The following WDR43 variants were observed in gnomAD, a reference collection of about 807,000 sequenced individuals.
The protein encoded by WDR43 is WD repeat domain 43.
In WDR43, 13 loss-of-function variants were observed where a neutral mutation model predicts 91.4. That is an observed-to-expected ratio of 0.14 (90% CI 0.09 to 0.23). The LOEUF is 0.23. Ranked by LOEUF, WDR43 falls within the 10% of genes least tolerant of loss-of-function variation. The pLI is 1.00. For missense variants in WDR43, 780 were observed against 809.4 expected (o/e 0.96, Z 0.44); for synonymous variants, 331 against 287.9 (o/e 1.15, Z -1.51).
At chr2:28,907,345 A>G (rs921503357) in intron 3 of WDR43, among the ~76,000 whole-genome samples, 16 of 152,008 alleles carry the variant, frequency 1.1e-4, no homozygotes, top group Admixed American at 5.9e-4. Flanking sequence ...GCCATTGGCC[A>G]AGTGCAGTGG....
chr2:28,911,412 G>A (rs918501200), intron 3 of WDR43, among the ~76,000 whole-genome samples: 4 of 151,642 alleles, frequency 2.6e-5, no homozygotes, highest in African/African-American at 7.3e-5. Context: ...TCCTGCCTCA[G>A]CCTCCTGAGT....
chr2:28,927,782 C>T, intron 10 of WDR43, 82 bp downstream of exon 10: 1 of 1,554,772 alleles, frequency 6.4e-7, no homozygotes, highest in Non-Finnish European at 8.8e-7. Context: ...TGGATAGAGC[C>T]AAAGTTAAAT....
intron 11 of WDR43, among the ~76,000 whole-genome samples, chr2:28,933,893 A>G (rs974927672): frequency 4.6e-5 from 7 of 152,206 alleles, no homozygotes; most frequent in Admixed American, 2.0e-4. Context: ...ACTGGTGGGA[A>G]TGTAAATGGT....
intron 10 of WDR43, among the ~76,000 whole-genome samples, chr2:28,928,894 C>T (rs962374131): frequency 1.3e-5 from 2 of 152,060 alleles, no homozygotes; most frequent in African/African-American, 2.4e-5. Context: ...AGGCTGGTCT[C>T]GAACACCTGG....
chr2:28,917,726 A>G lies in WDR43; in HGVS notation c.747-167A>G, dbSNP rs143683659. ...AGCAACCATGTTATATGGTAGTGACATGGATGCTTCCGTTGTTTTGATCTT... is the reference window on the plus strand; with the variant it reads ...AGCAACCATGTTATATGGTAGTGACGTGGATGCTTCCGTTGTTTTGATCTT... On this transcript the variant is annotated intron_variant, in intron 5 of 17. Transcript: ENST00000407426. Among the ~76,000 whole-genome samples the G allele has an allele frequency of 4.3e-4, 66 of 152,356 alleles. No homozygotes were observed. In the East Asian group the frequency reaches 0.011, roughly 25 times the overall value.
chr2:28,900,544 T>C (rs1670559929), intron 1 of WDR43, among the ~76,000 whole-genome samples: 2 of 152,174 alleles, frequency 1.3e-5, no homozygotes, highest in South Asian at 4.1e-4. Flanking sequence ...GTTAATGTAC[T>C]TCCCCCAACT....
At chr2:28,897,677 C>A (rs140124602) in intron 1 of WDR43, among the ~76,000 whole-genome samples, 2 of 152,168 alleles carry the variant, frequency 1.3e-5, no homozygotes, top group African/African-American at 4.8e-5. Flanking sequence ...CAGTTTGCTA[C>A]GCAAGGACAA....
chr2:28,909,804 A>G (rs1429816449), intron 3 of WDR43, among the ~76,000 whole-genome samples: 1 of 152,140 alleles, frequency 6.6e-6, no homozygotes, highest in African/African-American at 2.4e-5. Flanking sequence ...AGCTCAGGAG[A>G]TCGAGGCTGC....
intron 1 of WDR43, among the ~76,000 whole-genome samples, chr2:28,900,229 C>T (rs1670553386): frequency 6.6e-6 from 1 of 152,068 alleles, no homozygotes. Flanking sequence ...TCTCTGTCGC[C>T]CAGGCTGGAG....
chr2:28,909,697 A>G (rs1670752843), intron 3 of WDR43, among the ~76,000 whole-genome samples: 1 of 152,066 alleles, frequency 6.6e-6, no homozygotes, highest in Non-Finnish European at 1.5e-5. Flanking sequence ...ACATAGTGAG[A>G]ACCCCCTCTC....
At chr2:28,898,792 G>C (rs1377652683) in intron 1 of WDR43, among the ~76,000 whole-genome samples, 4 of 152,070 alleles carry the variant, frequency 2.6e-5, no homozygotes, top group Non-Finnish European at 5.9e-5. Context: ...TTTTATGAGA[G>C]TGTAGTGACT....
At chr2:28,901,267 G>A (rs981917133) in intron 1 of WDR43, among the ~76,000 whole-genome samples, 1 of 152,172 alleles carries the variant, frequency 6.6e-6, no homozygotes, top group African/African-American at 2.4e-5. Flanking sequence ...TTTTAAGTTA[G>A]GGTCATTGTC....
At chr2:28,938,018 C>T in intron 14 of WDR43, 24 bp downstream of exon 14, 1 of 1,610,266 alleles carries the variant, frequency 6.2e-7, no homozygotes, top group Non-Finnish European at 8.5e-7. Flanking sequence ...GCTTCTGTTG[C>T]CGAGTATGAA....
chr2:28,933,988 C>A (rs1270915085), intron 11 of WDR43, among the ~76,000 whole-genome samples: 1 of 152,128 alleles, frequency 6.6e-6, no homozygotes, highest in Non-Finnish European at 1.5e-5. Context: ...TAGATATTTA[C>A]CAGGAGAATA....
chr2:28,943,675 A>T (rs974753065), intron 16 of WDR43, among the ~76,000 whole-genome samples: 2 of 152,194 alleles, frequency 1.3e-5, no homozygotes, highest in African/African-American at 4.8e-5. Flanking sequence ...TGGTGTGTTT[A>T]TTGATGGTGT....
intron 6 of WDR43, among the ~76,000 whole-genome samples, chr2:28,920,537 AAACCTT>A (rs1671004376): frequency 6.6e-6 from 1 of 151,906 alleles, no homozygotes; most frequent in South Asian, 2.1e-4. Context: ...CAAAAGTTTT[AAACCTT>A]TATTTGTGTG....
chr2:28,937,971 G>A lies in WDR43; in HGVS notation c.1597G>A (p.Val533Ile). 1 of 1,613,832 alleles carries A rather than the reference G, an allele frequency of 6.2e-7. No homozygotes were observed. Among genetic ancestry groups the A allele is most frequent in the Non-Finnish European group, 8.5e-7 (1 of 1,179,812 alleles). ...MVQWLKCVLTVHASYLSTLPD... is the reference protein window; with the variant it reads ...MVQWLKCVLTIHASYLSTLPD... ...TCAGTGGCTAAAATGTGTGTTAACA[G>A]TTCATGCATCATACCTGTCCACGGT... Residue 533 changes from valine (V) to isoleucine (I), a missense_variant, in exon 14 of 18, where the codon GTT becomes ATT. This residue lies in a region of WDR43 where 426 missense variants were observed against 467.8 expected (regional missense o/e 0.91). Coordinates refer to ENST00000407426, the MANE Select transcript of WDR43 (RefSeq NM_015131.3).
chr2:28,896,666 TGA>T (rs1338250295), intron 1 of WDR43, among the ~76,000 whole-genome samples: 2 of 152,230 alleles, frequency 1.3e-5, no homozygotes, highest in African/African-American at 4.8e-5. Flanking sequence ...GCTTTTCTGT[TGA>T]GTTTCAGTTG....
intron 11 of WDR43, among the ~76,000 whole-genome samples, 163 bp from the exon 12 acceptor site, chr2:28,935,358 T>C (rs894188623): frequency 3.9e-5 from 6 of 152,152 alleles, no homozygotes; most frequent in Admixed American, 6.5e-5. Flanking sequence ...TATAACATAC[T>C]CCATTCAGTC....
Sources: gnomAD v4.1 joint callset for allele counts (sites outside exome capture counted in the v4.1 genomes callset) on GRCh38, gnomAD v4.1.1 for gene constraint, gnomAD v4.1.1 regional missense constraint, MANE v1.5 for transcripts, NCBI Gene and HGNC (gene_info 2026-07-23, HGNC 2026-07-21) for gene names.